The following NHSL1 variants were observed in gnomAD, a reference collection of about 807,000 sequenced individuals.
The protein encoded by NHSL1 is NHS like 1, also known as NHS-like protein 1.
NHSL1 carries 48 observed loss-of-function variants against 95.0 expected under a neutral mutation model. The ratio of observed to expected loss-of-function variants is 0.51; its 90% confidence interval spans 0.40 to 0.64. The LOEUF is 0.64. NHSL1 is among the 30% of genes least tolerant of loss of function. The pLI, the probability that NHSL1 is intolerant of heterozygous loss-of-function variation, is 0.00. For missense variants in NHSL1, 1,971 were observed against 2,077.7 expected, an observed-to-expected ratio of 0.95 and a Z score of 1.00; for synonymous variants, 783 against 833.9, an observed-to-expected ratio of 0.94 and a Z score of 1.05.
At chr6:138,428,997 C>T (rs958330299) in intron 7 of NHSL1, among the ~76,000 whole-genome samples, 2 of 152,194 alleles carry the variant, frequency 1.3e-5, no homozygotes, top group Non-Finnish European at 2.9e-5. Context: ...TGTTTCCAAT[C>T]AGAAAAGTGA....
chr6:138,435,273 T>G (rs1319701278), intron 5 of NHSL1: 1 of 154,774 alleles, frequency 6.5e-6, no homozygotes, highest in African/African-American at 2.4e-5. Flanking sequence ...GAGTTTTGAG[T>G]GTTTGGAGTT....
At chr6:138,651,875 T>C (rs1382962802) in intron 1 of NHSL1, among the ~76,000 whole-genome samples, 2 of 152,224 alleles carry the variant, frequency 1.3e-5, no homozygotes, top group Non-Finnish European at 2.9e-5. Flanking sequence ...ACTGAATATG[T>C]ATAAAATTAT....
At chr6:138,526,103 A>G (rs1391818266) in intron 1 of NHSL1, among the ~76,000 whole-genome samples, 3 of 151,926 alleles carry the variant, frequency 2.0e-5, no homozygotes. Flanking sequence ...CAAAAAAAAA[A>G]AAAAAGAAAA....
chr6:138,665,677 T>C (rs1210334936), intron 1 of NHSL1, among the ~76,000 whole-genome samples: 2 of 152,234 alleles, frequency 1.3e-5, no homozygotes, highest in Admixed American at 6.5e-5. Context: ...ATTATTACTA[T>C]ACAAATATAA....
At chr6:138,538,869 T>C (rs574188632) in intron 1 of NHSL1, among the ~76,000 whole-genome samples, 2 of 152,356 alleles carry the variant, frequency 1.3e-5, no homozygotes, top group African/African-American at 2.4e-5. Flanking sequence ...TTATGCTATT[T>C]ATATCTTTTT....
intron 1 of NHSL1, among the ~76,000 whole-genome samples, chr6:138,669,317 C>T (rs1422394339): frequency 6.6e-6 from 1 of 152,000 alleles, no homozygotes; most frequent in Non-Finnish European, 1.5e-5. Context: ...AAAAAATTTT[C>T]ATAAAGTGGA....
intron 1 of NHSL1, among the ~76,000 whole-genome samples, chr6:138,685,054 T>TA (rs1210358945): frequency 1.2e-4 from 19 of 152,236 alleles, no homozygotes; most frequent in Admixed American, 1.0e-3. Context: ...AATATTGCAT[T>TA]AGTTTTGTTT....
In NHSL1 at chr6:138,443,074, TAC is replaced by T. The variant is rs201034152; in HGVS notation, c.533-962_533-961del. ...ATATACACACACACATATATATATA[TAC>T]ACACACACACATTAAAAACTTCTAT... On this transcript the variant is annotated intron_variant, in intron 4 of 7. Coordinates refer to ENST00000343505, the MANE Select transcript of NHSL1 (RefSeq NM_001144060.2). Among the ~76,000 whole-genome samples, 15 of 151,080 alleles carry T rather than the reference TAC, an allele frequency of 9.9e-5. No individual in the cohort carries two copies. In the East Asian group the frequency reaches 1.2e-3, roughly 12 times the overall value.
intron 3 of NHSL1, chr6:138,470,628 T>A (rs372140901): frequency 4.1e-4 from 62 of 152,286 alleles, no homozygotes; most frequent in African/African-American, 1.4e-3. Flanking sequence ...GTAACAAAAA[T>A]TTTATAGCAG....
chr6:138,540,677 C>A (rs1437589449), intron 1 of NHSL1, among the ~76,000 whole-genome samples: 1 of 152,190 alleles, frequency 6.6e-6, no homozygotes, highest in African/African-American at 2.4e-5. Context: ...GGAGCAGAGG[C>A]ACATGCCTGA....
At position 138,431,359 on chromosome 6, in the gene NHSL1, C is replaced by A; in HGVS notation, c.2986G>T (p.Ala996Ser). The A allele has an allele frequency of 1.9e-6, 3 of 1,541,584 alleles. No homozygotes were observed. The highest frequency in any genetic ancestry group is 1.2e-5 in the South Asian group (1 of 81,554). ...PDWCLSPPRP[A>S]LSPILPDSPV... Reference sequence around the variant, plus strand: ...GAATCTGGAAGAATGGGGCTCAGTGCAGGGCGGGGAGGAGAAAGGCACCAA... The same window carrying A: ...GAATCTGGAAGAATGGGGCTCAGTGAAGGGCGGGGAGGAGAAAGGCACCAA... Residue 996 changes from alanine (A) to serine (S), a missense_variant, in exon 6 of 8, where the codon GCA becomes TCA. Coordinates refer to ENST00000343505, the MANE Select transcript of NHSL1 (RefSeq NM_001144060.2). The surrounding 1 kb of genome is among the most constrained non-coding windows in gnomAD (Gnocchi z 4.0).
At chr6:138,670,736 T>C (rs1785356334) in intron 1 of NHSL1, among the ~76,000 whole-genome samples, 1 of 148,034 alleles carries the variant, frequency 6.8e-6, no homozygotes, top group Admixed American at 6.7e-5. Context: ...ATCAATAAAC[T>C]AAAAGCAGGA....
At chr6:138,690,053 G>C (rs1486360663) in intron 1 of NHSL1, among the ~76,000 whole-genome samples, 1 of 152,180 alleles carries the variant, frequency 6.6e-6, no homozygotes, top group Non-Finnish European at 1.5e-5. Context: ...AGCCTAACCT[G>C]GGGTGAATTA....
Position 138,424,757 on chromosome 6 carries a change from G to A in NHSL1, c.4145C>T (p.Ser1382Phe), listed in dbSNP as rs1775145727. The A allele has an allele frequency of 6.4e-7, 1 of 1,551,492 alleles. No individual in the cohort carries two copies. The highest frequency in any genetic ancestry group is 2.4e-5 in the East Asian group (1 of 40,908). The change falls in exon 8 of 8, where the codon TCT (serine) becomes TTT (phenylalanine). Residue 1382 changes from serine to phenylalanine, a missense_variant. Around this residue, in one of 3 missense-constraint regions of NHSL1, gnomAD observed 146 missense variants for 206.3 expected, o/e 0.71. Transcript: ENST00000343505. The surrounding 1 kb of genome is among the most constrained non-coding windows in gnomAD (Gnocchi z 5.9). ...DSDDDHSRNH[S>F]PSPPVTPTGA... is the part of the protein sequence containing the mutation. ...GGTGGGTGTCACGGGCGGGGAGGGA[G>A]AATGGTTTCGGGAGTGGTCATCATC...
intron 1 of NHSL1, among the ~76,000 whole-genome samples, chr6:138,634,281 A>C (rs902938183): frequency 8.5e-5 from 13 of 152,190 alleles, no homozygotes; most frequent in Non-Finnish European, 1.0e-4. Context: ...ATGGATAAAA[A>C]ACAAGACTCA....
chr6:138,469,140 G>A (rs1778586516), intron 3 of NHSL1, among the ~76,000 whole-genome samples: 1 of 152,206 alleles, frequency 6.6e-6, no homozygotes, highest in Non-Finnish European at 1.5e-5. Flanking sequence ...ATGGCAGGAA[G>A]GGCCATGAAG....
In NHSL1 at chr6:138,430,648, C is replaced by T. The variant is rs1267021473; in HGVS notation, c.3697G>A (p.Gly1233Arg). 1.3e-6 allele frequency: 2 copies of T among 1,551,634 alleles called. No individual in the cohort carries two copies. Among genetic ancestry groups the T allele is most frequent in the East Asian group, 2.4e-5 (1 of 40,916 alleles). Residue 1233 changes from glycine (G) to arginine (R), a missense_variant, in exon 6 of 8, where the codon GGA (glycine) becomes AGA (arginine). Transcript: ENST00000343505. The surrounding 1 kb of genome is among the most constrained non-coding windows in gnomAD (Gnocchi z 4.7). ...CTGCTGTGCACAGAGCCCTCCTCTC[C>T]CGTCGTGGGGCTGGGCACAGCTCGG... ...ALRAVPSPTT[G>R]EEGSVHSREA...
chr6:138,507,137 G>A (rs927805904), intron 1 of NHSL1, among the ~76,000 whole-genome samples: 1 of 152,190 alleles, frequency 6.6e-6, no homozygotes, highest in African/African-American at 2.4e-5. Flanking sequence ...CAGCCACACA[G>A]TGGAAGAACC....
chr6:138,564,183 A>G (rs1039842612), intron 1 of NHSL1, among the ~76,000 whole-genome samples: 2 of 152,108 alleles, frequency 1.3e-5, no homozygotes, highest in Non-Finnish European at 2.9e-5. Flanking sequence ...CTTTTATTAC[A>G]CTCAAAAAAG....
Sources: allele counts gnomAD v4.1 joint callset (sites outside exome capture counted in the v4.1 genomes callset), GRCh38; gene constraint gnomAD v4.1.1; regional missense constraint gnomAD v4.1.1; non-coding constraint Gnocchi (gnomAD v3.1); transcripts MANE v1.5; gene names NCBI Gene and HGNC (gene_info 2026-07-23, HGNC 2026-07-21).